The following PHACTR2 variants were observed in gnomAD, a reference collection of about 807,000 sequenced individuals.
The protein encoded by PHACTR2 is phosphatase and actin regulator 2, also known as chromosome 6 open reading frame 56.
In PHACTR2, 30 loss-of-function variants were observed where a neutral mutation model predicts 76.0. That is an observed-to-expected ratio of 0.39 (90% confidence interval 0.30 to 0.54). The LOEUF (loss-of-function observed/expected upper bound fraction) is 0.54. PHACTR2 is among the 20% of genes least tolerant of loss of function. PHACTR2 has a pLI of 0.61. For missense variants in PHACTR2, 696 were observed against 781.1 expected (o/e 0.89, Z 1.30); for synonymous variants, 292 against 292.5 (o/e 1.00, Z 0.02).
intron 2 of PHACTR2, among the ~76,000 whole-genome samples, chr6:143,726,929 T>C (rs1239712986): frequency 6.6e-6 from 1 of 152,218 alleles, no homozygotes; most frequent in East Asian, 1.9e-4. Flanking sequence ...CTCAAACATG[T>C]ATCATTTCTA....
intron 1 of PHACTR2, among the ~76,000 whole-genome samples, chr6:143,594,247 G>A (rs775973624): frequency 6.6e-6 from 1 of 152,218 alleles, no homozygotes; most frequent in Non-Finnish European, 1.5e-5. Context: ...ATCCCCAAAA[G>A]ATCTCATTAT....
Position 143,653,593 on chromosome 6 carries a change from G to C in PHACTR2, c.13+45271G>C, listed in dbSNP as rs1331080927. On this transcript the variant is annotated intron_variant, in intron 1 of 11. Transcript: ENST00000305766. This position sits in a 1 kb window ranked among gnomAD's most constrained non-coding sequence, Gnocchi z 4.9. Reference sequence around the variant, plus strand: ...TTTTTAGAAAATTGGTTGTCAACAAGGATGCCAAGACAATTCAATGGGGAA... The same window carrying C: ...TTTTTAGAAAATTGGTTGTCAACAACGATGCCAAGACAATTCAATGGGGAA... 6.6e-6 allele frequency among the ~76,000 whole-genome samples: 1 copy of C among 151,762 alleles called. No homozygotes were observed. Among genetic ancestry groups the C allele is most frequent in the Non-Finnish European group, 1.5e-5 (1 of 67,992 alleles).
intron 12 of PHACTR2, among the ~76,000 whole-genome samples, chr6:143,815,166 T>C (rs909517827): frequency 1.3e-5 from 2 of 151,976 alleles, no homozygotes; most frequent in Non-Finnish European, 2.9e-5. Context: ...ATTAAAAGAG[T>C]TGCAAAATGC....
chr6:143,755,502 A>C lies in PHACTR2; in HGVS notation c.454+1590A>C, dbSNP rs1187791193. ...AGTTCCTGACAGTTTTATATGAATT[A>C]ACCAACAGACCTTGATGTTCTTGAA... On this transcript the variant is annotated intron_variant, in intron 4 of 12. Coordinates refer to ENST00000440869, the MANE Select transcript of PHACTR2 (RefSeq NM_001100164.2). The surrounding 1 kb of genome is among the most constrained non-coding windows in gnomAD (Gnocchi z 5.2). The C allele has an allele frequency of 2.7e-6, 1 of 376,768 alleles. No homozygotes were observed. Among genetic ancestry groups the C allele is most frequent in the Non-Finnish European group, 5.3e-6 (1 of 189,720 alleles). 23.3% of individuals were successfully genotyped at this position (376,768 alleles called of 1,614,324 possible). A position where few individuals can be genotyped will look rare whatever the true frequency, so the allele number is the denominator to read the frequency against.
At position 143,539,273 on chromosome 6, in the gene PHACTR2, C is replaced by G. The variant is rs1360358435; in HGVS notation, c.217+2066C>G. 1.3e-5 allele frequency among the ~76,000 whole-genome samples: 2 copies of G among 152,154 alleles called. No homozygotes were observed. The highest frequency in any genetic ancestry group is 4.8e-5 in the African/African-American group (2 of 41,412). On this transcript the variant is annotated intron_variant, in intron 1 of 11. Transcript: ENST00000367584. The surrounding 1 kb of genome is among the most constrained non-coding windows in gnomAD (Gnocchi z 4.3). ...AGTGAAACCTTTCAGCTCAGTTGTC[C>G]CATGTGCCGCAGGATGCTGGCACAG...
At chr6:143,804,346 T>C (rs1237104351) in intron 11 of PHACTR2, among the ~76,000 whole-genome samples, 1 of 152,178 alleles carries the variant, frequency 6.6e-6, no homozygotes, top group African/African-American at 2.4e-5. Context: ...TTTTTTTACA[T>C]GGCAGCTGGC....
At position 143,774,361 on chromosome 6, in the gene PHACTR2, A is replaced by G; in HGVS notation, c.1589+146A>G. 1 of 548,062 alleles carries G rather than the reference A, an allele frequency of 1.8e-6. No homozygotes were observed. The allele number at this position is 548,062 out of a possible 1,614,324, so 33.9% of individuals were successfully genotyped here. Reference sequence around the variant, plus strand: ...CTTTTAAAGTTGGTCTTGCATGATGAAACACTCGAAGAACCTGTCCTTTGG... The same window carrying G: ...CTTTTAAAGTTGGTCTTGCATGATGGAACACTCGAAGAACCTGTCCTTTGG... On this transcript the variant is annotated intron_variant, in intron 8 of 12. Coordinates refer to ENST00000440869, the MANE Select transcript of PHACTR2 (RefSeq NM_001100164.2). The surrounding 1 kb of genome is among the most constrained non-coding windows in gnomAD (Gnocchi z 5.4).
At chr6:143,551,903 C>G (rs1028199654) in intron 1 of PHACTR2, among the ~76,000 whole-genome samples, 9 of 152,012 alleles carry the variant, frequency 5.9e-5, no homozygotes, top group African/African-American at 2.2e-4. Context: ...TTTATTATTG[C>G]CTTGGGTATC....
rs1418610380 is a variant in PHACTR2 at position 143,757,987 on chromosome 6, A to G, written c.455-2414A>G. Among the ~76,000 whole-genome samples the G allele has an allele frequency of 3.5e-5, 5 of 143,046 alleles. No individual in the cohort carries two copies. The highest frequency in any genetic ancestry group is 1.5e-4 in the African/African-American group (5 of 32,960). 93.8% of individuals were successfully genotyped at this position (143,046 alleles called of 152,430 possible). ...CGCACACACACACACACACACACAC[A>G]CATAACTTAAGAATTACCAGAATGA... On this transcript the variant is annotated intron_variant, in intron 4 of 12. Coordinates refer to ENST00000440869, the MANE Select transcript of PHACTR2 (RefSeq NM_001100164.2). This position sits in a 1 kb window ranked among gnomAD's most constrained non-coding sequence, Gnocchi z 4.2.
chr6:143,612,099 C>T (rs573366043), intron 1 of PHACTR2, among the ~76,000 whole-genome samples: 54 of 152,312 alleles, frequency 3.5e-4, no homozygotes, highest in African/African-American at 1.3e-3. Context: ...TCACTGATGA[C>T]TATTTAATCC....
In PHACTR2 at chr6:143,547,888, GTATC is replaced by G. The variant is rs574082734; in HGVS notation, c.217+10698_217+10701del. 3.6e-4 allele frequency among the ~76,000 whole-genome samples: 54 copies of G among 151,994 alleles called. No homozygotes were observed. The highest frequency in any genetic ancestry group is 8.5e-4 in the Admixed American group (13 of 15,260). On this transcript the variant is annotated intron_variant, in intron 1 of 11. Coordinates refer to the PHACTR2 transcript ENST00000367584. This position sits in a 1 kb window ranked among gnomAD's most constrained non-coding sequence, Gnocchi z 4.2. ...TCTATGTATGTATGTATGTACGTAT[GTATC>G]TATCTATCTATCTATCATCTATCTA...
At chr6:143,642,075 C>A (rs1175775796) in intron 1 of PHACTR2, among the ~76,000 whole-genome samples, 1 of 152,170 alleles carries the variant, frequency 6.6e-6, no homozygotes, top group East Asian at 1.9e-4. Context: ...ATCCTTGATT[C>A]AGAATGTCCT....
In PHACTR2 at chr6:143,772,181, C is replaced by G; in HGVS notation, c.1233-77C>G. The G allele has an allele frequency of 1.0e-6, 1 of 978,692 alleles. No individual in the cohort carries two copies. Among genetic ancestry groups the G allele is most frequent in the Admixed American group, 1.7e-5 (1 of 57,602 alleles). The allele number at this position is 978,692 out of a possible 1,614,324, so 60.6% of individuals were successfully genotyped here. A position where few individuals can be genotyped will look rare whatever the true frequency, so the allele number is the denominator to read the frequency against. ...CTGAAGGAAGCCCATGAAACTAGAG[C>G]TCTTTTTCTTAGTGTCAGTGCCGCC... On this transcript the variant is annotated intron_variant, in intron 6 of 12. Coordinates refer to ENST00000440869, the MANE Select transcript of PHACTR2 (RefSeq NM_001100164.2). This position sits in a 1 kb window ranked among gnomAD's most constrained non-coding sequence, Gnocchi z 5.4.
Position 143,823,565 on chromosome 6 carries a change from G to T in PHACTR2, c.1923-109G>T. 1.4e-6 allele frequency: 1 copy of T among 722,474 alleles called. No homozygotes were observed. Among genetic ancestry groups the T allele is most frequent in the South Asian group, 1.7e-5 (1 of 58,710 alleles). 44.8% of individuals were successfully genotyped at this position (722,474 alleles called of 1,614,324 possible). A position where few individuals can be genotyped will look rare whatever the true frequency, so the allele number is the denominator to read the frequency against. On this transcript the variant is annotated intron_variant, in intron 12 of 12. Transcript: ENST00000440869. The surrounding 1 kb of genome is among the most constrained non-coding windows in gnomAD (Gnocchi z 5.7). ...TTTGTAAACAGTAATTCAGTTGGGGGATATCTGGGGTACCTTTTCATTGTA... is the reference window on the plus strand; with the variant it reads ...TTTGTAAACAGTAATTCAGTTGGGGTATATCTGGGGTACCTTTTCATTGTA...
rs1775215200 is a variant in PHACTR2, at chr6:143,774,019, A to T, written c.1433-40A>T. ...TGTAACCTGAGTGCCACTGGCTAAA[A>T]GCCTCTCTCTCTGCATTTCTGCTCT... On this transcript the variant is annotated intron_variant, in intron 7 of 12. Coordinates refer to ENST00000440869, the MANE Select transcript of PHACTR2 (RefSeq NM_001100164.2). This position sits in a 1 kb window ranked among gnomAD's most constrained non-coding sequence, Gnocchi z 5.4. The T allele has an allele frequency of 2.0e-5, 32 of 1,593,198 alleles. No individual in the cohort carries two copies. Among genetic ancestry groups the T allele is most frequent in the Non-Finnish European group, 2.7e-5 (32 of 1,166,414 alleles).
At position 143,539,315 on chromosome 6, in the gene PHACTR2, A is replaced by G. The variant is rs1453707539; in HGVS notation, c.217+2108A>G. Among the ~76,000 whole-genome samples, 3 of 152,216 alleles carry G rather than the reference A, an allele frequency of 2.0e-5. No homozygotes were observed. The highest frequency in any genetic ancestry group is 7.2e-5 in the African/African-American group (3 of 41,446). On this transcript the variant is annotated intron_variant, in intron 1 of 11. Coordinates refer to the PHACTR2 transcript ENST00000367584. This position sits in a 1 kb window ranked among gnomAD's most constrained non-coding sequence, Gnocchi z 4.3. ...CTGGCACAGATGTAGAAGAGTGAAC[A>G]TCTTTCATGTACCTGATTTCATTTT... is the stretch of plus-strand genomic sequence containing the variant.
upstream of PHACTR2, among the ~76,000 whole-genome samples, chr6:143,605,276 G>C (rs185786636): frequency 2.6e-4 from 39 of 152,198 alleles, no homozygotes; most frequent in East Asian, 7.5e-3. The surrounding 1 kb of genome is among the most constrained non-coding windows in gnomAD (Gnocchi z 5.0). Flanking sequence ...CTCATGGGAA[G>C]GTTAATAAAA....
chr6:143,753,799 T>C lies in PHACTR2; in HGVS notation c.341T>C (p.Ile114Thr), dbSNP rs1427594645. ...TTTGAAAATTCAAACGGGCACATGA[T>C]ACCCATCGGAGAGGAATCTACCCGA... ...VNFENSNGHMIPIGEESTREE... is the reference protein window; with the variant it reads ...VNFENSNGHMTPIGEESTREE... Residue 114 changes from isoleucine to threonine, a missense_variant, in exon 4 of 13, where the codon ATA becomes ACA. Ile to Thr is a moderately conservative substitution (Grantham distance 89). Transcript: ENST00000440869. This position sits in a 1 kb window ranked among gnomAD's most constrained non-coding sequence, Gnocchi z 4.6. 2.5e-6 allele frequency: 4 copies of C among 1,611,650 alleles called. No individual in the cohort carries two copies. Among genetic ancestry groups the C allele is most frequent in the Non-Finnish European group, 3.4e-6 (4 of 1,178,916 alleles).
Position 143,730,163 on chromosome 6 carries a change from A to C in PHACTR2, c.214+17980A>C, listed in dbSNP as rs2128465431. On this transcript the variant is annotated intron_variant, in intron 2 of 12. Transcript: ENST00000440869. The surrounding 1 kb of genome is among the most constrained non-coding windows in gnomAD (Gnocchi z 4.8). ...ATCTAGTTTGTTTGGCTTTCATTTAAATTTTAGAACCAACTTGTTTTTATT... is the reference window on the plus strand; with the variant it reads ...ATCTAGTTTGTTTGGCTTTCATTTACATTTTAGAACCAACTTGTTTTTATT... Among the ~76,000 whole-genome samples, 1 of 152,214 alleles carries C rather than the reference A, an allele frequency of 6.6e-6. No individual in the cohort carries two copies. The highest frequency in any genetic ancestry group is 1.5e-5 in the Non-Finnish European group (1 of 67,998).
Sources: gnomAD v4.1 joint callset for allele counts (sites outside exome capture counted in the v4.1 genomes callset) on GRCh38, gnomAD v4.1.1 for gene constraint, Gnocchi (gnomAD v3.1) non-coding constraint, MANE v1.5 for transcripts, NCBI Gene and HGNC (gene_info 2026-07-23, HGNC 2026-07-21) for gene names.